SLC5A4: variants seen among roughly 807,000 people sequenced by gnomAD.
SLC5A4 encodes solute carrier family 5 member 4, also known as probable glucose sensor protein SLC5A4.
SLC5A4 carries 55 observed loss-of-function variants against 70.3 expected under a neutral mutation model. That is an observed-to-expected ratio of 0.78 (90% CI 0.63 to 0.98). The LOEUF (loss-of-function observed/expected upper bound fraction) is 0.98, where lower values mean the gene tolerates loss of function less well. Ranked by LOEUF, SLC5A4 falls within the 50% of genes least tolerant of loss-of-function variation. The pLI, the probability that SLC5A4 is intolerant of heterozygous loss-of-function variation, is 0.00. For synonymous variants in SLC5A4, 268 were observed against 305.7 expected (o/e 0.88, Z 1.29); for missense variants, 735 against 839.2 (o/e 0.88, Z 1.53).
the SLC5A4 span, among the ~76,000 whole-genome samples, chr22:32,299,161 T>C: frequency 4.8e-4 from 36 of 75,786 alleles, no homozygotes; most frequent in African/African-American, 1.8e-3. Context: ...AGGAGTATCT[T>C]TGTGGCGTTC....
At chr22:32,233,179 G>T in intron 8 of SLC5A4, 145 bp from the exon 9 acceptor site, 1 of 814,590 alleles carries the variant, frequency 1.2e-6, no homozygotes. Flanking sequence ...TGTGTTCATT[G>T]CAGCACTATT....
the SLC5A4 span, among the ~76,000 whole-genome samples, chr22:32,267,878 A>G: frequency 2.7e-4 from 41 of 152,302 alleles, no homozygotes; most frequent in Non-Finnish European, 2.8e-4. Context: ...TAATCCCAGC[A>G]CTTTGGGAGG....
At chr22:32,262,897 G>A in the SLC5A4 span, among the ~76,000 whole-genome samples, 2,932 of 152,008 alleles carry the variant, frequency 0.019, 105 homozygotes, top group African/African-American at 0.067. Flanking sequence ...AGCCTCGCGA[G>A]TAGCTGGGAC....
At chr22:32,331,701 G>A in the SLC5A4 span, among the ~76,000 whole-genome samples, 9 of 152,214 alleles carry the variant, frequency 5.9e-5, no homozygotes, top group Middle Eastern at 3.4e-3. Flanking sequence ...GGATGGGGAC[G>A]TGGGCATGGG....
intron 4 of SLC5A4, 76 bp downstream of exon 4, chr22:32,248,667 C>T (rs868705701): frequency 3.9e-6 from 4 of 1,020,966 alleles, no homozygotes; most frequent in African/African-American, 1.6e-5. Context: ...TACTCATTGT[C>T]TCAGTGATTG....
At chr22:32,319,744 T>A in the SLC5A4 span, among the ~76,000 whole-genome samples, 1 of 152,246 alleles carries the variant, frequency 6.6e-6, no homozygotes, top group East Asian at 1.9e-4. Context: ...CTTGGCCACA[T>A]GTTTAAAATT....
At chr22:32,323,231 G>A in the SLC5A4 span, among the ~76,000 whole-genome samples, 2 of 152,086 alleles carry the variant, frequency 1.3e-5, no homozygotes, top group Non-Finnish European at 1.5e-5. Context: ...AGCAAGTCAG[G>A]TGGACCCCGC....
upstream of SLC5A4, among the ~76,000 whole-genome samples, chr22:32,257,659 C>CTTTTTCTTTTT (rs1927558542): frequency 1.4e-5 from 2 of 141,932 alleles, no homozygotes; most frequent in African/African-American, 5.4e-5. Flanking sequence ...GCAAGGTTTT[C>CTTTTTCTTTTT]TTTTTTTTTT....
the SLC5A4 span, among the ~76,000 whole-genome samples, chr22:32,320,675 T>TCC: frequency 4.3e-3 from 659 of 152,258 alleles, 34 homozygotes; most frequent in East Asian, 0.11. Flanking sequence ...CCACCCTTCC[T>TCC]CCCCTGGGCA....
At chr22:32,346,228 A>G in the SLC5A4 span, among the ~76,000 whole-genome samples, 1 of 152,242 alleles carries the variant, frequency 6.6e-6, no homozygotes, top group Non-Finnish European at 1.5e-5. Context: ...TAATACCATT[A>G]TGACAGTTTT....
the SLC5A4 span, among the ~76,000 whole-genome samples, chr22:32,312,907 A>G: frequency 2.0e-5 from 3 of 152,210 alleles, no homozygotes; most frequent in Non-Finnish European, 4.4e-5. Context: ...CCTCAGTGCC[A>G]GAAGAATCCA....
chr22:32,242,649 C>G (rs1162612529), intron 5 of SLC5A4, among the ~76,000 whole-genome samples: 2 of 152,058 alleles, frequency 1.3e-5, no homozygotes, highest in Non-Finnish European at 2.9e-5. Context: ...GCAGAGGTTG[C>G]AGTGAACTGA....
At chr22:32,336,385 T>C in the SLC5A4 span, among the ~76,000 whole-genome samples, 1 of 152,248 alleles carries the variant, frequency 6.6e-6, no homozygotes, top group Admixed American at 6.5e-5. Context: ...CTGGCATCTT[T>C]GTTTGCACAG....
At chr22:32,260,508 C>CAAAA in the SLC5A4 span, among the ~76,000 whole-genome samples, 8 of 124,962 alleles carry the variant, frequency 6.4e-5, no homozygotes, top group Non-Finnish European at 1.2e-4. Context: ...ATTTTGGTGA[C>CAAAA]AAAAAAAAAA....
At chr22:32,310,093 C>T in the SLC5A4 span, among the ~76,000 whole-genome samples, 1 of 150,286 alleles carries the variant, frequency 6.7e-6, no homozygotes, top group Non-Finnish European at 1.5e-5. Flanking sequence ...GGGGGGGTGG[C>T]AGAAGGAATG....
chr22:32,258,425 T>TA (rs1255261403), upstream of SLC5A4, among the ~76,000 whole-genome samples: 42 of 152,124 alleles, frequency 2.8e-4, no homozygotes, highest in Admixed American at 2.8e-3. Context: ...TAAAATGGGC[T>TA]AAAGACTTAG....
At chr22:32,224,725 C>T (rs748145640) in intron 12 of SLC5A4, among the ~76,000 whole-genome samples, 7 of 152,190 alleles carry the variant, frequency 4.6e-5, no homozygotes, top group Non-Finnish European at 7.3e-5. Context: ...TACCAGGACA[C>T]TACTGTCTAC....
At chr22:32,227,802 G>A (rs764084908) in intron 11 of SLC5A4, among the ~76,000 whole-genome samples, 2 of 151,958 alleles carry the variant, frequency 1.3e-5, no homozygotes, top group African/African-American at 4.8e-5. Flanking sequence ...GGGCATGGTC[G>A]TGCACGCCTC....
At chr22:32,233,376 A>G (rs145647691) in intron 8 of SLC5A4, among the ~76,000 whole-genome samples, 3 of 152,312 alleles carry the variant, frequency 2.0e-5, no homozygotes, top group African/African-American at 7.2e-5. Context: ...CAGAAAGACA[A>G]ATGTCACACA....
Sources: gnomAD v4.1 joint callset for allele counts (sites outside exome capture counted in the v4.1 genomes callset) on GRCh38, gnomAD v4.1.1 for gene constraint, MANE v1.5 for transcripts, NCBI Gene and HGNC (gene_info 2026-07-23, HGNC 2026-07-21) for gene names.